PDE4D: variants seen among roughly 807,000 people sequenced by gnomAD.
The protein encoded by PDE4D is 3',5'-cyclic-AMP phosphodiesterase 4D.
A neutral mutation model predicts 87.4 loss-of-function variants in PDE4D; 24 were observed. That is an observed-to-expected ratio of 0.27 (90% CI 0.20 to 0.39). The LOEUF (loss-of-function observed/expected upper bound fraction) is 0.39, where lower values mean the gene tolerates loss of function less well. PDE4D is among the 10% of genes least tolerant of loss of function. The pLI, the probability that PDE4D is intolerant of heterozygous loss-of-function variation, is 1.00. For missense variants in PDE4D, 714 were observed against 1,041.0 expected (o/e 0.69, Z 4.32); for synonymous variants, 384 against 383.2 (o/e 1.00, Z -0.02).
chr5:59,768,224 T>G (rs554329293), intron 1 of PDE4D: 1 of 1,594,610 alleles, frequency 6.3e-7, no homozygotes, highest in South Asian at 1.1e-5. Context: ...CCACCATTTC[T>G]GCGAGGTCTG....
intron 2 of PDE4D, among the ~76,000 whole-genome samples, chr5:60,118,597 T>TGTGTG (rs1384746967): frequency 1.4e-5 from 1 of 73,186 alleles, no homozygotes; most frequent in Non-Finnish European, 3.0e-5. Context: ...GTGTGTGTGT[T>TGTGTG]TACTGAGAAT....
At chr5:59,149,218 A>T (rs1779109225) in intron 5 of PDE4D, among the ~76,000 whole-genome samples, 1 of 152,152 alleles carries the variant, frequency 6.6e-6, no homozygotes, top group African/African-American at 2.4e-5. Context: ...TAAAGTAAAT[A>T]CTCTGTATTT....
intron 3 of PDE4D, among the ~76,000 whole-genome samples, chr5:59,914,866 GGT>G (rs3062699): frequency 0.039 from 4,753 of 122,516 alleles, 98 homozygotes; most frequent in African/African-American, 0.061. Context: ...TACTGATAGG[GGT>G]GTGTGTGTGT....
intron 1 of PDE4D, among the ~76,000 whole-genome samples, chr5:59,657,585 A>G (rs1003488106): frequency 2.6e-5 from 4 of 152,218 alleles, no homozygotes; most frequent in African/African-American, 9.6e-5. Flanking sequence ...CATATATACT[A>G]TCTAAACATT....
rs187811870 is a variant in PDE4D, at chr5:59,294,423, C to T, written c.456-78455G>A. On this transcript the variant is annotated intron_variant, in intron 1 of 14. Transcript: ENST00000340635. ...GACATAATGTAACTATATTTTCCAT[C>T]TTTAAATAGATCCTGAAAGCTCAAG... 6.6e-5 allele frequency among the ~76,000 whole-genome samples: 10 copies of T among 152,240 alleles called. No individual in the cohort carries two copies. In the East Asian group the frequency reaches 1.9e-3, roughly 29 times the overall value.
At chr5:59,738,073 T>A (rs942477549) in intron 1 of PDE4D, among the ~76,000 whole-genome samples, 1 of 152,172 alleles carries the variant, frequency 6.6e-6, no homozygotes, top group Non-Finnish European at 1.5e-5. Flanking sequence ...CAAGAGATAC[T>A]GTTTCTATGG....
At chr5:59,417,907 C>T (rs1379161353) in intron 1 of PDE4D, among the ~76,000 whole-genome samples, 1 of 152,184 alleles carries the variant, frequency 6.6e-6, no homozygotes, top group East Asian at 1.9e-4. Flanking sequence ...GCCCTAATTA[C>T]CTGCACTTTT....
rs183363037 is a variant in PDE4D at position 59,981,208 on chromosome 5, C to G, written c.272+7280G>C. 5.3e-5 allele frequency among the ~76,000 whole-genome samples: 8 copies of G among 152,188 alleles called. No homozygotes were observed. In the East Asian group the frequency reaches 1.5e-3, roughly 29 times the overall value. On this transcript the variant is annotated intron_variant, in intron 3 of 16. Coordinates refer to the PDE4D transcript ENST00000502484. ...CGGAGGTTGCAGTGAGCCGAGATCA[C>G]GCCATTTCACTCCAGCCTGGGTGAC...
At chr5:59,523,424 C>A (rs1162774734) in intron 1 of PDE4D, among the ~76,000 whole-genome samples, 1 of 152,142 alleles carries the variant, frequency 6.6e-6, no homozygotes, top group Non-Finnish European at 1.5e-5. Context: ...TCTAAATTTC[C>A]TATGTTGTTT....
At position 60,464,954 on chromosome 5, in the gene PDE4D, T is replaced by C. The variant is rs141731719; in HGVS notation, c.-90+22988A>G. Among the ~76,000 whole-genome samples the C allele has an allele frequency of 2.5e-3, 373 of 151,944 alleles. 3 individuals carry two copies. Among genetic ancestry groups the C allele is most frequent in the African/African-American group, 8.8e-3 (364 of 41,474 alleles). On this transcript the variant is annotated intron_variant, in intron 1 of 16. Coordinates refer to the PDE4D transcript ENST00000502484. ...CCATCTCTATAAACTTTTTTTTGTT[T>C]TTTCATTAGCTAGGCATGGTGGCAC... is the stretch of plus-strand genomic sequence containing the variant.
chr5:59,741,273 T>C (rs1483615432), intron 1 of PDE4D, among the ~76,000 whole-genome samples: 2 of 152,188 alleles, frequency 1.3e-5, no homozygotes, highest in Non-Finnish European at 2.9e-5. Context: ...AAACTCAAGA[T>C]GATCTCTGAA....
intron 1 of PDE4D, among the ~76,000 whole-genome samples, chr5:59,409,349 A>G (rs1792260372): frequency 6.6e-6 from 1 of 152,112 alleles, no homozygotes; most frequent in Non-Finnish European, 1.5e-5. Flanking sequence ...TTGAGAAGAG[A>G]TGATTCCATT....
chr5:59,853,199 G>A (rs1190923915), intron 1 of PDE4D, among the ~76,000 whole-genome samples: 1 of 152,046 alleles, frequency 6.6e-6, no homozygotes, highest in African/African-American at 2.4e-5. Context: ...AACAGTGGCT[G>A]TATTCTGGGA....
upstream of PDE4D, chr5:60,490,230 C>T: frequency 6.6e-6 from 1 of 152,192 alleles, no homozygotes; most frequent in East Asian, 1.9e-4. Flanking sequence ...ACCAGCACTG[C>T]TCTTCCCCTC....
At chr5:59,381,022 T>A (rs892506945) in intron 1 of PDE4D, among the ~76,000 whole-genome samples, 1 of 152,174 alleles carries the variant, frequency 6.6e-6, no homozygotes, top group Admixed American at 6.5e-5. Flanking sequence ...ATATTTACTA[T>A]CTGGCTTGTC....
intron 1 of PDE4D, among the ~76,000 whole-genome samples, chr5:60,519,007 C>A (rs1189930838): frequency 6.6e-6 from 1 of 152,136 alleles, no homozygotes; most frequent in African/African-American, 2.4e-5. Flanking sequence ...ACGGGGCTAA[C>A]GTCAACCAAC....
intron 1 of PDE4D, among the ~76,000 whole-genome samples, chr5:59,441,260 A>AT (rs1333085620): frequency 1.3e-5 from 2 of 151,974 alleles, no homozygotes; most frequent in Non-Finnish European, 2.9e-5. Flanking sequence ...GCACAAGCTA[A>AT]TTTTTTAAAA....
At chr5:60,208,129 T>C (rs763130870) in intron 1 of PDE4D, among the ~76,000 whole-genome samples, 8 of 152,252 alleles carry the variant, frequency 5.3e-5, no homozygotes, top group Non-Finnish European at 8.8e-5. Flanking sequence ...GGAGGACAGA[T>C]ACTAAGTTAA....
intron 1 of PDE4D, among the ~76,000 whole-genome samples, chr5:60,238,546 C>G (rs1048581460): frequency 2.6e-5 from 4 of 151,860 alleles, no homozygotes; most frequent in African/African-American, 9.7e-5. Flanking sequence ...CACTTTAATT[C>G]TTAAAACTGG....
Sources: gnomAD v4.1 joint callset for allele counts (sites outside exome capture counted in the v4.1 genomes callset) on GRCh38, gnomAD v4.1.1 for gene constraint, MANE v1.5 for transcripts, NCBI Gene and HGNC (gene_info 2026-07-23, HGNC 2026-07-21) for gene names.